The following NRG1 variants were observed in gnomAD, a reference collection of about 807,000 sequenced individuals.
NRG1 encodes the protein neuregulin 1.
A neutral mutation model predicts 63.8 loss-of-function variants in NRG1; 18 were observed. The ratio of observed to expected loss-of-function variants is 0.28; its 90% confidence interval spans 0.19 to 0.42. The LOEUF is 0.42. Ranked by LOEUF, NRG1 falls within the 10% of genes least tolerant of loss-of-function variation. NRG1 has a pLI of 1.00. For synonymous variants in NRG1, 302 were observed against 301.3 expected, an observed-to-expected ratio of 1.00 and a Z score of -0.02; for missense variants, 762 against 814.7, an observed-to-expected ratio of 0.94 and a Z score of 0.79.
intron 1 of NRG1, among the ~76,000 whole-genome samples, chr8:31,783,274 A>G (rs934766166): frequency 6.6e-6 from 1 of 152,208 alleles, no homozygotes; most frequent in Non-Finnish European, 1.5e-5. Flanking sequence ...GACAAAACCA[A>G]CACATATGTT....
At chr8:32,426,779 A>T (rs1212862050) in intron 1 of NRG1, among the ~76,000 whole-genome samples, 1 of 152,192 alleles carries the variant, frequency 6.6e-6, no homozygotes, top group East Asian at 1.9e-4. Flanking sequence ...TTGAAAAGAT[A>T]GTGACATTGC....
At chr8:32,206,212 A>G (rs1034043704) in intron 1 of NRG1, among the ~76,000 whole-genome samples, 5 of 152,194 alleles carry the variant, frequency 3.3e-5, no homozygotes, top group Non-Finnish European at 7.3e-5. Flanking sequence ...TTGGTAGCAG[A>G]GAGCTCATGA....
At chr8:32,410,310 A>C (rs909255141) in intron 1 of NRG1, among the ~76,000 whole-genome samples, 1 of 148,856 alleles carries the variant, frequency 6.7e-6, no homozygotes, top group Non-Finnish European at 1.5e-5. Flanking sequence ...CCTCCTGAGT[A>C]GCTGGGACTA....
intron 5 of NRG1, among the ~76,000 whole-genome samples, chr8:32,719,176 C>T (rs1440554401): frequency 1.3e-5 from 2 of 151,980 alleles, no homozygotes; most frequent in Admixed American, 6.6e-5. Flanking sequence ...GAATATCATT[C>T]TAGTTTTACA....
At chr8:32,545,365 A>G (rs1347695910), upstream of NRG1, among the ~76,000 whole-genome samples, 2 of 152,194 alleles carry the variant, frequency 1.3e-5, no homozygotes, top group Admixed American at 1.3e-4. Flanking sequence ...TTGACAATTT[A>G]CCTGGGAGCT....
intron 1 of NRG1, among the ~76,000 whole-genome samples, chr8:31,689,597 C>A (rs894110113): frequency 2.0e-5 from 3 of 152,156 alleles, no homozygotes; most frequent in African/African-American, 7.2e-5. Context: ...GAAATGTAAT[C>A]ATTGCTTTAT....
chr8:32,766,361 T>G (rs1376994211), exon 12 of NRG1: 1 of 152,224 alleles, frequency 6.6e-6, no homozygotes, highest in Non-Finnish European at 1.5e-5. Context: ...CTTTTTAACC[T>G]ACACTGAGGA....
At chr8:32,687,144 A>G (rs955544023) in intron 5 of NRG1, among the ~76,000 whole-genome samples, 1 of 152,242 alleles carries the variant, frequency 6.6e-6, no homozygotes, top group African/African-American at 2.4e-5. Flanking sequence ...TTAATAGAAT[A>G]GAAAAGATAA....
At chr8:31,896,764 A>G (rs1249865714) in intron 1 of NRG1, among the ~76,000 whole-genome samples, 2 of 152,170 alleles carry the variant, frequency 1.3e-5, no homozygotes, top group Non-Finnish European at 2.9e-5. Flanking sequence ...AACCTAATTG[A>G]TCTACAGATC....
At chr8:32,437,857 C>G (rs1033736598) in intron 1 of NRG1, among the ~76,000 whole-genome samples, 2 of 152,138 alleles carry the variant, frequency 1.3e-5, no homozygotes, top group East Asian at 1.9e-4. Context: ...GTAAATGCCT[C>G]TCAGCAAAAA....
chr8:32,698,564 G>A (rs1349644266), intron 5 of NRG1, among the ~76,000 whole-genome samples: 3 of 152,180 alleles, frequency 2.0e-5, no homozygotes, highest in East Asian at 1.9e-4. Flanking sequence ...TGAAAGAGGC[G>A]TGAGCATTCA....
intron 1 of NRG1, among the ~76,000 whole-genome samples, chr8:32,118,244 C>T (rs372180024): frequency 2.6e-5 from 4 of 151,992 alleles, no homozygotes; most frequent in East Asian, 1.9e-4. Context: ...ACATTAATGC[C>T]CTCCCTGGGG....
intron 5 of NRG1, among the ~76,000 whole-genome samples, chr8:32,682,579 A>G (rs562717203): frequency 6.6e-6 from 1 of 152,280 alleles, no homozygotes; most frequent in East Asian, 1.9e-4. Flanking sequence ...TATTCTACAG[A>G]GCTATAGACT....
chr8:31,981,176 A>T (rs1010272124), intron 1 of NRG1, among the ~76,000 whole-genome samples: 1 of 152,000 alleles, frequency 6.6e-6, no homozygotes. Flanking sequence ...CTGTTAGGAA[A>T]CATTTTGTTC....
intron 1 of NRG1, among the ~76,000 whole-genome samples, chr8:32,389,887 A>G (rs1811507603): frequency 6.6e-6 from 1 of 151,844 alleles, no homozygotes; most frequent in Non-Finnish European, 1.5e-5. Context: ...CAGCCTTCCA[A>G]TAACTGGGGT....
chr8:31,641,295 G>C (rs1195925803), intron 1 of NRG1, among the ~76,000 whole-genome samples: 15 of 151,868 alleles, frequency 9.9e-5, no homozygotes, highest in Non-Finnish European at 1.5e-5. Flanking sequence ...TTGTGAATAT[G>C]TGTAATATGT....
chr8:31,815,659 A>T (rs1823368570), intron 1 of NRG1, among the ~76,000 whole-genome samples: 1 of 152,194 alleles, frequency 6.6e-6, no homozygotes, highest in African/African-American at 2.4e-5. Flanking sequence ...ATTTTTGAGG[A>T]ATCACCATAC....
intron 1 of NRG1, among the ~76,000 whole-genome samples, chr8:31,965,683 T>C (rs1806202857): frequency 6.6e-6 from 1 of 152,234 alleles, no homozygotes; most frequent in South Asian, 2.1e-4. Flanking sequence ...GTATAAATGT[T>C]CTCTTTTCTC....
At chr8:32,170,693 G>T (rs1327604112) in intron 1 of NRG1, among the ~76,000 whole-genome samples, 1 of 152,160 alleles carries the variant, frequency 6.6e-6, no homozygotes, top group East Asian at 1.9e-4. Flanking sequence ...CTAACTTAGG[G>T]ATAGGTTGAT....
Sources: allele counts gnomAD v4.1 joint callset (sites outside exome capture counted in the v4.1 genomes callset), GRCh38; gene constraint gnomAD v4.1.1; transcripts MANE v1.5; gene names NCBI Gene and HGNC (gene_info 2026-07-23, HGNC 2026-07-21).